Variants in TENM2 observed in about 807,000 individuals in gnomAD.
The protein encoded by TENM2 is teneurin transmembrane protein 2.
Under a neutral mutation model 245.2 loss-of-function variants are expected in TENM2, and 52 were observed. The ratio of observed to expected loss-of-function variants is 0.21; its 90% CI spans 0.17 to 0.27. The LOEUF (loss-of-function observed/expected upper bound fraction) is 0.27, where lower values mean the gene tolerates loss of function less well. TENM2 is among the 10% of genes least tolerant of loss of function. TENM2 has a pLI of 1.00. For synonymous variants in TENM2, 1,363 were observed against 1,438.9 expected, an observed-to-expected ratio of 0.95 and a Z score of 1.19; for missense variants, 3,046 against 3,666.8, an observed-to-expected ratio of 0.83 and a Z score of 4.37.
chr5:167,875,842 C>G, intron 2 of TENM2, 144 bp from the exon 5 acceptor site: 1 of 625,816 alleles, frequency 1.6e-6, no homozygotes, highest in Admixed American at 3.0e-5. Context: ...TCAAACCACT[C>G]TTTTAAAAAA....
chr5:167,979,737 C>A (rs1203143885), intron 4 of TENM2, among the ~76,000 whole-genome samples: 2 of 152,076 alleles, frequency 1.3e-5, no homozygotes. Flanking sequence ...TCTAAAAGAT[C>A]AATAAAATGA....
chr5:167,200,226 G>T, the TENM2 span, among the ~76,000 whole-genome samples: 4 of 152,166 alleles, frequency 2.6e-5, no homozygotes, highest in East Asian at 7.8e-4. Context: ...CATTAAGTTT[G>T]GTTGTTGGTT....
chr5:168,228,984 A>G (rs1164387065), intron 25 of TENM2, among the ~76,000 whole-genome samples: 1 of 147,884 alleles, frequency 6.8e-6, no homozygotes, highest in South Asian at 2.1e-4. Flanking sequence ...ATACGTATAC[A>G]TAATATACAT....
chr5:167,782,774 C>T (rs1378282244), intron 2 of TENM2, among the ~76,000 whole-genome samples: 1 of 152,152 alleles, frequency 6.6e-6, no homozygotes, highest in Non-Finnish European at 1.5e-5. Flanking sequence ...TAATTTTCCC[C>T]ACCTCAGCTT....
chr5:167,457,299 T>G (rs1201759675), intron 2 of TENM2, among the ~76,000 whole-genome samples: 1 of 126,168 alleles, frequency 7.9e-6, no homozygotes, highest in Non-Finnish European at 1.6e-5. Flanking sequence ...TTTATTTTAT[T>G]TTATTTTATT....
chr5:167,986,016 G>A (rs556994291), intron 4 of TENM2, among the ~76,000 whole-genome samples: 2 of 152,268 alleles, frequency 1.3e-5, no homozygotes, highest in East Asian at 3.9e-4. Flanking sequence ...ATTGGTGGGG[G>A]CTCTTGTTGC....
At chr5:167,391,004 C>T (rs1053602100) in intron 2 of TENM2, among the ~76,000 whole-genome samples, 5 of 152,118 alleles carry the variant, frequency 3.3e-5, no homozygotes, top group African/African-American at 9.7e-5. Context: ...CCAGAGCATA[C>T]TCTCTTCCTC....
intron 3 of TENM2, among the ~76,000 whole-genome samples, chr5:167,943,526 A>G (rs1779360023): frequency 6.6e-6 from 1 of 152,200 alleles, no homozygotes; most frequent in Non-Finnish European, 1.5e-5. Context: ...CTGGTCTTTG[A>G]AAAACATATT....
At position 167,531,589 on chromosome 5, in the gene TENM2, T is replaced by C. The variant is rs1424983026; in HGVS notation, c.502+156116T>C. Among the ~76,000 whole-genome samples, 5 of 152,232 alleles carry C rather than the reference T, an allele frequency of 3.3e-5. No individual in the cohort carries two copies. In the South Asian group the frequency reaches 6.2e-4, roughly 19 times the overall value. ...CTGTACAATATATTTCCAGAACTTA[T>C]TCATCCTCTCTAACTGAAACTTTGT... On this transcript the variant is annotated intron_variant, in intron 2 of 28. Coordinates refer to ENST00000518659, the Ensembl canonical transcript of TENM2.
intron 2 of TENM2, among the ~76,000 whole-genome samples, chr5:167,577,114 A>G (rs1774750770): frequency 6.6e-6 from 1 of 152,188 alleles, no homozygotes; most frequent in Non-Finnish European, 1.5e-5. Flanking sequence ...GTCCCAGAGG[A>G]GCCCAGGAAT....
At chr5:167,027,931 C>G in the TENM2 span, among the ~76,000 whole-genome samples, 2 of 151,940 alleles carry the variant, frequency 1.3e-5, no homozygotes, top group South Asian at 4.2e-4. Flanking sequence ...TTAGCCGGGC[C>G]TTGGTGGCGC....
the TENM2 span, among the ~76,000 whole-genome samples, chr5:167,250,647 A>G: frequency 6.6e-6 from 1 of 152,280 alleles, no homozygotes; most frequent in South Asian, 2.1e-4. Flanking sequence ...GATGTTATAT[A>G]TGAGGCCATT....
At chr5:167,808,804 C>A (rs1302987887) in intron 2 of TENM2, among the ~76,000 whole-genome samples, 2 of 152,100 alleles carry the variant, frequency 1.3e-5, no homozygotes, top group Non-Finnish European at 2.9e-5. Flanking sequence ...TACATTTGTT[C>A]CCTTAAATAT....
chr5:167,405,769 A>AACATACACACACACACACAC (rs1762601309), intron 2 of TENM2, among the ~76,000 whole-genome samples: 1 of 145,186 alleles, frequency 6.9e-6, no homozygotes, highest in Non-Finnish European at 1.5e-5. Context: ...CACACACACA[A>AACATACACACACACACACAC]ACACACACAC....
intron 2 of TENM2, among the ~76,000 whole-genome samples, chr5:167,609,506 A>C (rs1378237846): frequency 4.2e-5 from 6 of 143,956 alleles, no homozygotes; most frequent in South Asian, 2.3e-4. Flanking sequence ...AAAAAAAAAA[A>C]AAAAAACAAA....
chr5:167,596,586 G>T (rs1220758896), intron 2 of TENM2, among the ~76,000 whole-genome samples: 1 of 152,162 alleles, frequency 6.6e-6, no homozygotes, highest in Non-Finnish European at 1.5e-5. Flanking sequence ...GAGGTTAGGA[G>T]ATCAAGACCA....
intron 5 of TENM2, among the ~76,000 whole-genome samples, chr5:168,017,792 G>A (rs913549601): frequency 1.3e-5 from 2 of 152,124 alleles, no homozygotes; most frequent in African/African-American, 2.4e-5. Flanking sequence ...TGAGAAAGAG[G>A]TTTCATATGT....
At chr5:167,456,510 A>C (rs116524323) in intron 2 of TENM2, among the ~76,000 whole-genome samples, 1 of 152,082 alleles carries the variant, frequency 6.6e-6, no homozygotes, top group South Asian at 2.1e-4. Context: ...TAAATGTACT[A>C]TGCCTTTATT....
intron 1 of TENM2, among the ~76,000 whole-genome samples, chr5:167,298,952 T>A (rs1215510203): frequency 6.6e-6 from 1 of 152,180 alleles, no homozygotes; most frequent in East Asian, 1.9e-4. Flanking sequence ...CAGTCCGAGT[T>A]GGTCTGGTGT....
Sources: allele counts gnomAD v4.1 joint callset (sites outside exome capture counted in the v4.1 genomes callset), GRCh38; gene constraint gnomAD v4.1.1; transcripts MANE v1.5; gene names NCBI Gene and HGNC (gene_info 2026-07-23, HGNC 2026-07-21).